The following SLC4A4 variants were observed in gnomAD, a reference collection of about 807,000 sequenced individuals.
SLC4A4 encodes electrogenic sodium bicarbonate cotransporter 1.
Under a neutral mutation model 111.5 loss-of-function variants are expected in SLC4A4, and 27 were observed. That is an observed-to-expected ratio of 0.24 (90% confidence interval 0.18 to 0.33). The LOEUF is 0.33. Among genes scored for constraint, SLC4A4 ranks in the 10% least tolerant of loss-of-function variants. The probability of loss-of-function intolerance (pLI) is 1.00; values close to 1 mark genes in which losing one functional copy is unlikely to be tolerated. For missense variants in SLC4A4, 909 were observed against 1,315.5 expected (o/e 0.69, Z 4.78); for synonymous variants, 443 against 463.4 (o/e 0.96, Z 0.57).
chr4:71,214,317 A>G (rs1718300062), intron 1 of SLC4A4, among the ~76,000 whole-genome samples: 1 of 152,186 alleles, frequency 6.6e-6, no homozygotes, highest in Non-Finnish European at 1.5e-5. Flanking sequence ...AGGGAATGAT[A>G]ATTAAAGCAA....
chr4:71,233,409 G>A (rs1337792907), intron 1 of SLC4A4: 6 of 540,042 alleles, frequency 1.1e-5, no homozygotes, highest in Non-Finnish European at 1.4e-5. Flanking sequence ...CTCGGTAGCA[G>A]TACTCTCCTT....
intron 1 of SLC4A4, among the ~76,000 whole-genome samples, chr4:71,188,106 C>G (rs1354138803): frequency 6.6e-6 from 1 of 152,128 alleles, no homozygotes; most frequent in African/African-American, 2.4e-5. Context: ...TTTCTTTTTT[C>G]TTAAGTGCAT....
rs929722601 is a variant in SLC4A4 at position 71,361,086 on chromosome 4, C to T, written c.730+3899C>T. Among the ~76,000 whole-genome samples, 7 of 152,274 alleles carry T rather than the reference C, an allele frequency of 4.6e-5. No homozygotes were observed. In the East Asian group the frequency reaches 7.7e-4, roughly 17 times the overall value. On this transcript the variant is annotated intron_variant, in intron 6 of 25. Transcript: ENST00000264485. ...AAATTCCCAAGGCTCCACCCCAGTG[C>T]GCACTCCTCCCAGTGCACAGGCCGG... is the stretch of plus-strand genomic sequence containing the variant.
At chr4:71,500,437 T>C (rs779135481) in intron 16 of SLC4A4, among the ~76,000 whole-genome samples, 2 of 152,150 alleles carry the variant, frequency 1.3e-5, no homozygotes, top group Non-Finnish European at 2.9e-5. Context: ...TTTTAATAAT[T>C]TTACAGTTTC....
upstream of SLC4A4, among the ~76,000 whole-genome samples, chr4:71,182,954 C>T (rs976425388): frequency 1.3e-5 from 2 of 152,154 alleles, no homozygotes; most frequent in Non-Finnish European, 2.9e-5. Context: ...GGGAGAATTC[C>T]TGCAGGAGGA....
At chr4:71,565,341 A>AG (rs1294600596) in intron 24 of SLC4A4, among the ~76,000 whole-genome samples, 2 of 151,804 alleles carry the variant, frequency 1.3e-5, no homozygotes, top group African/African-American at 4.8e-5. Flanking sequence ...TGGGAGGCAG[A>AG]GGGACCGATG....
intron 14 of SLC4A4, among the ~76,000 whole-genome samples, chr4:71,484,017 G>A (rs1729136090): frequency 6.6e-6 from 1 of 151,582 alleles, no homozygotes; most frequent in African/African-American, 2.4e-5. Flanking sequence ...CTTTTTAATA[G>A]GGCTGGTTTT....
At chr4:71,067,103 A>G (rs1741536490) in intron 1 of SLC4A4, among the ~76,000 whole-genome samples, 2 of 149,300 alleles carry the variant, frequency 1.3e-5, no homozygotes, top group South Asian at 4.3e-4. Flanking sequence ...CTTCCTGAAA[A>G]TGGGGAAGTC....
chr4:71,459,627 A>G (rs1726632118), intron 12 of SLC4A4, among the ~76,000 whole-genome samples: 1 of 152,088 alleles, frequency 6.6e-6, no homozygotes. Flanking sequence ...AGTTTTTTAT[A>G]AACAAAAAAA....
At chr4:71,103,657 G>A (rs6855583) in intron 2 of SLC4A4, among the ~76,000 whole-genome samples, 131,747 of 151,858 alleles carry the variant, frequency 0.87, 59,175 homozygotes, top group South Asian at 0.98. Context: ...TGAACAACCT[G>A]CTCCTGAATG....
At chr4:71,213,263 C>A (rs1718240371) in intron 1 of SLC4A4, among the ~76,000 whole-genome samples, 1 of 152,186 alleles carries the variant, frequency 6.6e-6, no homozygotes, top group South Asian at 2.1e-4. Context: ...ATCTGTTTGT[C>A]CCTTCCTTTA....
intron 12 of SLC4A4, among the ~76,000 whole-genome samples, chr4:71,461,417 A>T (rs920638578): frequency 1.3e-5 from 2 of 152,216 alleles, no homozygotes; most frequent in African/African-American, 4.8e-5. Context: ...CCAAATAATA[A>T]AGTCCTTAAT....
Position 71,219,933 on chromosome 4 carries a change from G to A in SLC4A4, c.-1-16643G>A, listed in dbSNP as rs148119436. 7.9e-4 allele frequency among the ~76,000 whole-genome samples: 120 copies of A among 152,354 alleles called. 1 individual carries two copies. The highest frequency in any genetic ancestry group is 2.6e-3 in the African/African-American group (109 of 41,592). ...GGATGGGGAGTCACTTCTCATGGAT[G>A]AGCAAAGAAAGTGATTTCTTGAGAT... On this transcript the variant is annotated intron_variant, in intron 1 of 25. Coordinates refer to ENST00000264485, the MANE Select transcript of SLC4A4 (RefSeq NM_001098484.3).
chr4:71,096,132 C>T (rs1030003335), intron 2 of SLC4A4, among the ~76,000 whole-genome samples: 2 of 151,998 alleles, frequency 1.3e-5, no homozygotes, highest in African/African-American at 4.8e-5. Context: ...GGAGGAAGTA[C>T]TTCACTGGGA....
At chr4:71,500,394 A>T (rs542857656) in intron 16 of SLC4A4, among the ~76,000 whole-genome samples, 2 of 152,298 alleles carry the variant, frequency 1.3e-5, no homozygotes, top group South Asian at 4.1e-4. Flanking sequence ...CTTTGCCCAG[A>T]CTAATGTCAT....
intron 1 of SLC4A4, among the ~76,000 whole-genome samples, chr4:71,235,568 T>C (rs896025924): frequency 3.9e-5 from 6 of 152,232 alleles, no homozygotes; most frequent in African/African-American, 1.4e-4. Flanking sequence ...AGGATTTCTT[T>C]CTGCTTTCAC....
chr4:71,184,777 A>G (rs1336487836), upstream of SLC4A4, among the ~76,000 whole-genome samples: 2 of 152,194 alleles, frequency 1.3e-5, no homozygotes, highest in Non-Finnish European at 2.9e-5. Context: ...AAGTGATCAC[A>G]TGCAGAGTTT....
chr4:71,077,491 A>G (rs552826353), intron 1 of SLC4A4, among the ~76,000 whole-genome samples: 118 of 152,256 alleles, frequency 7.8e-4, no homozygotes, highest in Non-Finnish European at 1.2e-3. Flanking sequence ...ATTGGTTTCT[A>G]TCTCGTTCTA....
intron 3 of SLC4A4, among the ~76,000 whole-genome samples, chr4:71,299,523 G>T (rs905907895): frequency 2.6e-5 from 4 of 152,152 alleles, no homozygotes; most frequent in Non-Finnish European, 5.9e-5. Flanking sequence ...GTAGGCTGTG[G>T]GCTTCAAGAT....
Sources: gnomAD v4.1 joint callset for allele counts (sites outside exome capture counted in the v4.1 genomes callset) on GRCh38, gnomAD v4.1.1 for gene constraint, MANE v1.5 for transcripts, NCBI Gene and HGNC (gene_info 2026-07-23, HGNC 2026-07-21) for gene names.